Variants in SYCP1 observed in about 807,000 individuals in gnomAD.
The protein encoded by SYCP1 is cancer/testis antigen 8.
A neutral mutation model predicts 153.1 loss-of-function variants in SYCP1; 64 were observed. The observed-to-expected ratio is 0.42, with a 90% CI of 0.34 to 0.51. SYCP1 has a LOEUF of 0.51. Ranked by LOEUF, SYCP1 falls within the 20% of genes least tolerant of loss-of-function variation. The pLI is 0.06. For synonymous variants in SYCP1, 384 were observed against 341.8 expected, an observed-to-expected ratio of 1.12 and a Z score of -1.36; for missense variants, 997 against 1,049.0, an observed-to-expected ratio of 0.95 and a Z score of 0.68.
At chr1:114,978,819 C>T (rs2335956) in intron 28 of SYCP1, among the ~76,000 whole-genome samples, 65,711 of 151,228 alleles carry the variant, frequency 0.43, 15,310 homozygotes, top group Non-Finnish European at 0.52. Context: ...AACATTATAT[C>T]TGAAGAAATT....
intron 9 of SYCP1, among the ~76,000 whole-genome samples, chr1:114,874,948 A>G (rs1192926235): frequency 6.6e-6 from 1 of 152,010 alleles, no homozygotes; most frequent in Non-Finnish European, 1.5e-5. Flanking sequence ...TCACTCTTTT[A>G]TGTTTCTCAA....
At chr1:114,936,384 G>A (rs1157321240) in intron 23 of SYCP1, among the ~76,000 whole-genome samples, 2 of 152,074 alleles carry the variant, frequency 1.3e-5, no homozygotes, top group Non-Finnish European at 2.9e-5. Context: ...AATAAACTAG[G>A]TATTGATGGA....
intron 28 of SYCP1, 139 bp from the exon 29 acceptor site, chr1:114,981,197 T>TA: frequency 6.5e-6 from 4 of 616,542 alleles, no homozygotes; most frequent in Non-Finnish European, 1.1e-5. Flanking sequence ...TATTCAAACT[T>TA]ATCTAGTCAG....
intron 15 of SYCP1, among the ~76,000 whole-genome samples, chr1:114,889,288 T>C (rs886475931): frequency 6.6e-6 from 1 of 152,202 alleles, no homozygotes; most frequent in Non-Finnish European, 1.5e-5. Flanking sequence ...CTCACTGTCT[T>C]CCACAATGGT....
chr1:114,910,482 G>A lies in SYCP1; in HGVS notation c.1406G>A (p.Gly469Asp). The change falls in exon 17 of 32, where the codon GGT becomes GAT. Residue 469 changes from glycine (G) to aspartate (D), a missense_variant. Physicochemically the swap from Gly to Asp is moderately conservative, Grantham distance 94. Around this residue, in one of 2 missense-constraint regions of SYCP1, gnomAD observed 712 missense variants for 682.9 expected, o/e 1.04. Transcript: ENST00000369522. The stretch of plus-strand genomic sequence containing the variant: ...AAAGGAACAGAACAAGAACTAATTG[G>A]TCTTCTCCAAGCCAGAGAGGTTTGT... Reference protein sequence around the residue: ...ELKGTEQELIGLLQAREKEVH... With the variant: ...ELKGTEQELIDLLQAREKEVH... The A allele has an allele frequency of 6.3e-7, 1 of 1,585,336 alleles. No individual in the cohort carries two copies. Among genetic ancestry groups the A allele is most frequent in the Non-Finnish European group, 8.6e-7 (1 of 1,167,842 alleles).
chr1:114,886,405 T>C, intron 14 of SYCP1, 96 bp downstream of exon 14: 4 of 1,070,454 alleles, frequency 3.7e-6, no homozygotes, highest in Non-Finnish European at 5.0e-6. Flanking sequence ...CCAACTGATG[T>C]GTGTAATTCA....
chr1:114,956,089 C>T (rs1373724214), intron 27 of SYCP1, among the ~76,000 whole-genome samples: 1 of 152,216 alleles, frequency 6.6e-6, no homozygotes, highest in Non-Finnish European at 1.5e-5. Context: ...GGGAGACTCA[C>T]CCATACCTCG....
chr1:114,881,084 C>G (rs1396360564), intron 12 of SYCP1, among the ~76,000 whole-genome samples: 1 of 151,860 alleles, frequency 6.6e-6, no homozygotes, highest in Non-Finnish European at 1.5e-5. Flanking sequence ...CACACACACA[C>G]ACACACACAC....
chr1:114,948,637 T>G (rs1033304580), intron 27 of SYCP1, among the ~76,000 whole-genome samples: 5 of 152,230 alleles, frequency 3.3e-5, no homozygotes, highest in African/African-American at 1.2e-4. Flanking sequence ...GTTAAAATGG[T>G]TATTTCACTC....
chr1:114,923,640 A>C, intron 21 of SYCP1, 110 bp downstream of exon 21: 1 of 1,099,146 alleles, frequency 9.1e-7, no homozygotes, highest in African/African-American at 1.6e-5. Context: ...AATAATAGTG[A>C]TCTAGAGACT....
At chr1:114,868,828 T>C (rs1426872000) in intron 8 of SYCP1, among the ~76,000 whole-genome samples, 1 of 152,224 alleles carries the variant, frequency 6.6e-6, no homozygotes, top group African/African-American at 2.4e-5. Flanking sequence ...AGCAAACCTG[T>C]GGGCATAGAA....
intron 8 of SYCP1, among the ~76,000 whole-genome samples, chr1:114,866,886 G>C (rs1180042144): frequency 6.7e-6 from 1 of 149,990 alleles, no homozygotes; most frequent in South Asian, 2.1e-4. Flanking sequence ...AAGGGTGTAA[G>C]ATCTGTGTCC....
intron 8 of SYCP1, among the ~76,000 whole-genome samples, chr1:114,861,977 T>A (rs749403792): frequency 1.3e-5 from 2 of 151,786 alleles, no homozygotes; most frequent in Non-Finnish European, 2.9e-5. Context: ...TTTTTTGTAT[T>A]TTTAGTAGAA....
chr1:114,940,807 T>C (rs1352268771), intron 23 of SYCP1, among the ~76,000 whole-genome samples: 2 of 152,202 alleles, frequency 1.3e-5, no homozygotes, highest in East Asian at 3.8e-4. Context: ...TTTGTGTATC[T>C]TTTTTTCATT....
chr1:114,944,748 C>A, intron 24 of SYCP1, 124 bp from the exon 25 acceptor site: 1 of 753,824 alleles, frequency 1.3e-6, no homozygotes, highest in Admixed American at 3.2e-5. Context: ...GCATTTTCTA[C>A]TTGTTTTTCC....
chr1:114,987,837 C>T (rs1673622595), intron 30 of SYCP1, among the ~76,000 whole-genome samples: 1 of 151,388 alleles, frequency 6.6e-6, no homozygotes, highest in African/African-American at 2.4e-5. Context: ...CTTAAAGTAG[C>T]TCAAATTGCT....
chr1:114,974,647 G>A (rs1394886340), intron 27 of SYCP1, among the ~76,000 whole-genome samples: 1 of 151,766 alleles, frequency 6.6e-6, no homozygotes, highest in Non-Finnish European at 1.5e-5. Flanking sequence ...GTTTATCTAT[G>A]TTGTAGTATG....
intron 30 of SYCP1, among the ~76,000 whole-genome samples, chr1:114,990,935 C>A (rs190309438): frequency 6.6e-6 from 1 of 152,024 alleles, no homozygotes; most frequent in African/African-American, 2.4e-5. Context: ...CAGGGTGGCA[C>A]ACCCAAGAAA....
intron 12 of SYCP1, among the ~76,000 whole-genome samples, chr1:114,882,199 A>G (rs963449609): frequency 6.6e-5 from 10 of 152,100 alleles, no homozygotes; most frequent in Admixed American, 5.9e-4. Flanking sequence ...CAAACAAACA[A>G]ACAAACAAAC....
Sources: allele counts gnomAD v4.1 joint callset (sites outside exome capture counted in the v4.1 genomes callset), GRCh38; gene constraint gnomAD v4.1.1; regional missense constraint gnomAD v4.1.1; transcripts MANE v1.5; gene names NCBI Gene and HGNC (gene_info 2026-07-23, HGNC 2026-07-21).